Variants in KIF3A observed in about 807,000 individuals in gnomAD.
KIF3A encodes kinesin family member 3A.
KIF3A carries 27 observed loss-of-function variants against 92.6 expected under a neutral mutation model. That is an observed-to-expected ratio of 0.29 (90% CI 0.21 to 0.40). The LOEUF (loss-of-function observed/expected upper bound fraction) is 0.40. KIF3A is among the 10% of genes least tolerant of loss of function. The pLI, the probability that KIF3A is intolerant of heterozygous loss-of-function variation, is 1.00. For synonymous variants in KIF3A, 250 were observed against 275.4 expected, an observed-to-expected ratio of 0.91 and a Z score of 0.92; for missense variants, 581 against 872.6, an observed-to-expected ratio of 0.67 and a Z score of 4.21.
At chr5:132,721,195 G>A (rs916488485) in intron 4 of KIF3A, among the ~76,000 whole-genome samples, 5 of 152,188 alleles carry the variant, frequency 3.3e-5, no homozygotes, top group African/African-American at 1.2e-4. Context: ...GGAAGACAGA[G>A]ACAAGTTTAG....
At chr5:132,735,081 T>C (rs1754346632) in intron 1 of KIF3A, among the ~76,000 whole-genome samples, 1 of 152,196 alleles carries the variant, frequency 6.6e-6, no homozygotes, top group South Asian at 2.1e-4. Flanking sequence ...GAATTTTTTT[T>C]TTCTTATTTA....
rs543655884 is a variant in KIF3A, at chr5:132,696,426, T to C, written c.*208A>G. ...AATTGAAGAGTAGTAGTACAACAAT[T>C]TGAACAATCACCAGTTGTACAATTT... On this transcript the variant is annotated 3_prime_UTR_variant, in exon 19 of 19. Transcript: ENST00000403231. 2 of 508,418 alleles carry C rather than the reference T, an allele frequency of 3.9e-6. No homozygotes were observed. The highest frequency in any genetic ancestry group is 5.7e-5 in the South Asian group (2 of 35,248). 31.5% of individuals were successfully genotyped at this position (508,418 alleles called of 1,614,324 possible). A position where few individuals can be genotyped will look rare whatever the true frequency, so the allele number is the denominator to read the frequency against.
chr5:132,710,114 C>G (rs1011677184), intron 9 of KIF3A, among the ~76,000 whole-genome samples: 1 of 152,130 alleles, frequency 6.6e-6, no homozygotes, highest in African/African-American at 2.4e-5. Context: ...TGCATATTAT[C>G]TATATTCTGA....
Position 132,698,691 on chromosome 5 carries a change from G to A in KIF3A, c.2132+480C>T, listed in dbSNP as rs568782497. ...TTGGAAGACCTTAATTCTTTGGCCA[G>A]ATTTTATTTACTCAAATTCTAATAC... is the stretch of plus-strand genomic sequence containing the variant. On this transcript the variant is annotated intron_variant, in intron 18 of 18. Coordinates refer to ENST00000403231, the MANE Select transcript of KIF3A (RefSeq NM_001300791.2). 8.6e-5 allele frequency among the ~76,000 whole-genome samples: 13 copies of A among 151,324 alleles called. No homozygotes were observed. In the South Asian group the frequency reaches 2.5e-3, roughly 29 times the overall value.
intron 10 of KIF3A, among the ~76,000 whole-genome samples, chr5:132,708,458 C>A (rs73256704): frequency 7.2e-5 from 11 of 151,986 alleles, no homozygotes; most frequent in Non-Finnish European, 1.3e-4. Context: ...GAATAGGACA[C>A]CAAAGTGTAA....
chr5:132,702,158 T>C lies in KIF3A; in HGVS notation c.1813A>G (p.Ile605Val). The change falls in exon 15 of 19, where the codon ATT becomes GTT. Residue 605 changes from isoleucine to valine, a missense_variant. Ile to Val is a conservative substitution (Grantham distance 29, BLOSUM62 3). Coordinates refer to ENST00000403231, the MANE Select transcript of KIF3A (RefSeq NM_001300791.2). ...CGAAGCTCCCGGCTAAGTTGCCGAA[T>C]GTTCTCCAGTAGGCCTTCAATTTCC... Reference protein sequence around the residue: ...QREIEGLLENIRQLSRELRLQ... With the variant: ...QREIEGLLENVRQLSRELRLQ... 1.2e-6 allele frequency: 2 copies of C among 1,613,924 alleles called. No individual in the cohort carries two copies. Among genetic ancestry groups the C allele is most frequent in the Non-Finnish European group, 1.7e-6 (2 of 1,179,814 alleles).
At position 132,726,120 on chromosome 5, in the gene KIF3A, A is replaced by G; in HGVS notation, c.510+8T>C. The G allele has an allele frequency of 6.3e-7, 1 of 1,585,200 alleles. No homozygotes were observed. The highest frequency in any genetic ancestry group is 8.6e-7 in the Non-Finnish European group (1 of 1,164,110). The stretch of plus-strand genomic sequence containing the variant: ...AAAAAGTACTCCACCAATTTCAATT[A>G]TCCTTACCTCTAACCTTTGTGTCTG... On this transcript the variant is annotated splice_region_variant and intron_variant, in intron 4 of 18. Coordinates refer to ENST00000403231, the MANE Select transcript of KIF3A (RefSeq NM_001300791.2).
Position 132,694,753 on chromosome 5 carries a change from T to C in KIF3A, c.*1881A>G, listed in dbSNP as rs142497497. The C allele has an allele frequency of 3.9e-5, 6 of 152,450 alleles. No individual in the cohort carries two copies. Among genetic ancestry groups the C allele is most frequent in the Admixed American group, 2.0e-4 (3 of 15,300 alleles). 9.4% of individuals were successfully genotyped at this position (152,450 alleles called of 1,614,324 possible). On this transcript the variant is annotated 3_prime_UTR_variant, in exon 19 of 19. Transcript: ENST00000403231. ...TCACACAAAGCTTTTACAAGACACA[T>C]ATTTACCTCAACTCTTCACAGTATC... is the stretch of plus-strand genomic sequence containing the variant.
intron 2 of KIF3A, among the ~76,000 whole-genome samples, chr5:132,728,828 T>C (rs368746107): frequency 6.6e-6 from 1 of 152,108 alleles, no homozygotes; most frequent in East Asian, 1.9e-4. Context: ...TCCCAGCACT[T>C]TGAGAGGCTG....
intron 2 of KIF3A, among the ~76,000 whole-genome samples, chr5:132,727,350 AACAGGGAGTTCT>A (rs1217032917): frequency 2.0e-5 from 3 of 152,242 alleles, no homozygotes; most frequent in Non-Finnish European, 2.9e-5. Context: ...CAGAATGAGA[AACAGGGAGTTCT>A]AGATGGGAGT....
intron 5 of KIF3A, among the ~76,000 whole-genome samples, chr5:132,718,588 G>T (rs1165781668): frequency 6.6e-6 from 1 of 152,082 alleles, no homozygotes; most frequent in African/African-American, 2.4e-5. Flanking sequence ...GGGATTATAT[G>T]CATGAGCCAC....
chr5:132,714,379 A>C lies in KIF3A; in HGVS notation c.1129+1378T>G, dbSNP rs1360369176. Among the ~76,000 whole-genome samples, 6 of 152,246 alleles carry C rather than the reference A, an allele frequency of 3.9e-5. No individual in the cohort carries two copies. The East Asian group carries it at 1.2e-3, about 29-fold the overall frequency. On this transcript the variant is annotated intron_variant, in intron 8 of 18. Transcript: ENST00000403231. ...CAGAACAATGTGAATGTAATGCCAC[A>C]GAAATGTAGACTTAAATGTGATTAA... is the stretch of plus-strand genomic sequence containing the variant.
Position 132,737,509 on chromosome 5 carries a change from G to C in KIF3A, c.-90C>G. Reference sequence around the variant, plus strand: ...GCAGAAAGGATGGCCAGAGACTACCGAAACACCTCGTTGACGCTCTCGAGA... The same window carrying C: ...GCAGAAAGGATGGCCAGAGACTACCCAAACACCTCGTTGACGCTCTCGAGA... On this transcript the variant is annotated 5_prime_UTR_variant, in exon 1 of 19. Coordinates refer to ENST00000403231, the MANE Select transcript of KIF3A (RefSeq NM_001300791.2). 3 of 1,466,060 alleles carry C rather than the reference G, an allele frequency of 2.0e-6. No individual in the cohort carries two copies. The highest frequency in any genetic ancestry group is 2.8e-6 in the Non-Finnish European group (3 of 1,068,860). The allele number at this position is 1,466,060 out of a possible 1,614,324, so 90.8% of individuals were successfully genotyped here.
chr5:132,724,985 T>TAAA (rs962686822), intron 4 of KIF3A, among the ~76,000 whole-genome samples: 1 of 147,114 alleles, frequency 6.8e-6, no homozygotes, highest in Admixed American at 6.8e-5. Flanking sequence ...ATAACAACAA[T>TAAA]AAAAAAAACT....
At chr5:132,707,677 G>A (rs1451309197) in intron 10 of KIF3A, among the ~76,000 whole-genome samples, 3 of 152,120 alleles carry the variant, frequency 2.0e-5, no homozygotes, top group Admixed American at 2.0e-4. Flanking sequence ...TAGAGAAGGA[G>A]ATTTCTAATA....
Position 132,693,349 on chromosome 5 carries a change from G to A in KIF3A, c.*3285C>T, listed in dbSNP as rs1752724511. On this transcript the variant is annotated 3_prime_UTR_variant, in exon 19 of 19. Transcript: ENST00000403231. ...TAATTTTAACATCCTATTAGTATAT[G>A]TAATTGTAAGGATTATTAAAGAAGA... 1 of 152,342 alleles carries A rather than the reference G, an allele frequency of 6.6e-6. No homozygotes were observed. The highest frequency in any genetic ancestry group is 6.6e-5 in the Admixed American group (1 of 15,264). The allele number at this position is 152,342 out of a possible 1,614,324, so 9.4% of individuals were successfully genotyped here.
intron 18 of KIF3A, among the ~76,000 whole-genome samples, chr5:132,698,553 A>G (rs949150715): frequency 6.6e-6 from 1 of 152,174 alleles, no homozygotes; most frequent in Non-Finnish European, 1.5e-5. Context: ...AGGCAAATTA[A>G]TTAGCATTTC....
intron 18 of KIF3A, 83 bp from the exon 19 acceptor site, chr5:132,696,765 G>C (rs1752852993): frequency 9.3e-7 from 1 of 1,079,054 alleles, no homozygotes; most frequent in African/African-American, 1.5e-5. Flanking sequence ...TAGAAACTAT[G>C]GGGTGGCCTG....
At chr5:132,734,134 AAT>A in intron 2 of KIF3A, 69 bp downstream of exon 2, 1 of 1,187,942 alleles carries the variant, frequency 8.4e-7, no homozygotes, top group South Asian at 1.4e-5. Flanking sequence ...GCACAGCTGC[AAT>A]ATGTGAATTT....
Sources: gnomAD v4.1 joint callset for allele counts (sites outside exome capture counted in the v4.1 genomes callset) on GRCh38, gnomAD v4.1.1 for gene constraint, MANE v1.5 for transcripts, NCBI Gene and HGNC (gene_info 2026-07-23, HGNC 2026-07-21) for gene names.